The following KIAA1958 variants were observed in gnomAD, a reference collection of about 807,000 sequenced individuals.
KIAA1958 encodes uncharacterized protein KIAA1958.
Under a neutral mutation model 47.2 loss-of-function variants are expected in KIAA1958, and 14 were observed. The ratio of observed to expected loss-of-function variants is 0.30; its 90% CI spans 0.20 to 0.46. The LOEUF is 0.46. Among genes scored for constraint, KIAA1958 ranks in the 20% least tolerant of loss-of-function variants. The pLI is 1.00. For missense variants in KIAA1958, 803 were observed against 909.2 expected (o/e 0.88, Z 1.50); for synonymous variants, 354 against 353.3 (o/e 1.00, Z -0.02).
In KIAA1958 at chr9:112,551,264, G is replaced by C. The variant is rs528333201; in HGVS notation, c.-24-22793G>C. Among the ~76,000 whole-genome samples, 12 of 152,110 alleles carry C rather than the reference G, an allele frequency of 7.9e-5. No homozygotes were observed. In the South Asian group the frequency reaches 2.5e-3, roughly 32 times the overall value. On this transcript the variant is annotated intron_variant, in intron 1 of 3. Transcript: ENST00000337530. ...AAATTTGATGTGTTATTAAAAAATA[G>C]CTCCCCATTCCCTGATCCACCAGCT...
In KIAA1958 at chr9:112,573,178, G is replaced by A. The variant is rs145697340; in HGVS notation, c.-24-879G>A. Among the ~76,000 whole-genome samples, 13 of 152,094 alleles carry A rather than the reference G, an allele frequency of 8.5e-5. No individual in the cohort carries two copies. In the East Asian group the frequency reaches 2.5e-3, roughly 29 times the overall value. On this transcript the variant is annotated intron_variant, in intron 1 of 3. Transcript: ENST00000337530. Reference sequence around the variant, plus strand: ...GGACTCCTAACAAGGGCTTCTTTTTGTCTCCTGCCTAATAAGGAATGATTT... The same window carrying A: ...GGACTCCTAACAAGGGCTTCTTTTTATCTCCTGCCTAATAAGGAATGATTT...
intron 2 of KIAA1958, among the ~76,000 whole-genome samples, chr9:112,643,440 A>G (rs1836926630): frequency 6.6e-6 from 1 of 152,258 alleles, no homozygotes; most frequent in African/African-American, 2.4e-5. Context: ...CTCTTGGCAT[A>G]TAGTAGGCAT....
chr9:112,576,961 G>T (rs146117747), intron 2 of KIAA1958, among the ~76,000 whole-genome samples: 3 of 152,214 alleles, frequency 2.0e-5, no homozygotes, highest in African/African-American at 7.2e-5. Context: ...AGCCTCACTA[G>T]TAATCTATAA....
chr9:112,604,789 G>A (rs1291872816), intron 2 of KIAA1958, among the ~76,000 whole-genome samples: 1 of 151,688 alleles, frequency 6.6e-6, no homozygotes, highest in Non-Finnish European at 1.5e-5. Context: ...TATATGTGGT[G>A]GATCTTTGCA....
chr9:112,649,352 C>A (rs1007049044), intron 3 of KIAA1958, among the ~76,000 whole-genome samples: 5 of 150,134 alleles, frequency 3.3e-5, no homozygotes, highest in African/African-American at 1.2e-4. Flanking sequence ...CAGACGATGT[C>A]TCTCTGTGTT....
intron 1 of KIAA1958, among the ~76,000 whole-genome samples, chr9:112,500,072 C>T (rs1449848247): frequency 1.3e-5 from 2 of 151,978 alleles, no homozygotes; most frequent in Non-Finnish European, 2.9e-5. Context: ...GTGATTGCCT[C>T]AGAAGTTTAG....
intron 2 of KIAA1958, among the ~76,000 whole-genome samples, chr9:112,607,585 C>G (rs950594115): frequency 2.0e-5 from 3 of 151,964 alleles, no homozygotes; most frequent in Non-Finnish European, 2.9e-5. Flanking sequence ...GGGAAGTGGT[C>G]TGCCGGTGAG....
At chr9:112,579,127 C>G (rs527812324) in intron 2 of KIAA1958, among the ~76,000 whole-genome samples, 114 of 152,008 alleles carry the variant, frequency 7.5e-4, no homozygotes, top group African/African-American at 2.5e-3. Context: ...ATTGGAAATA[C>G]ATTTCCCAAG....
chr9:112,490,031 G>A (rs1464902683), intron 1 of KIAA1958, among the ~76,000 whole-genome samples: 1 of 152,098 alleles, frequency 6.6e-6, no homozygotes, highest in Non-Finnish European at 1.5e-5. Context: ...AAGCAGGTCC[G>A]GCTGTGAGAG....
At chr9:112,501,454 C>A (rs1233639395) in intron 1 of KIAA1958, among the ~76,000 whole-genome samples, 1 of 151,896 alleles carries the variant, frequency 6.6e-6, no homozygotes, top group Non-Finnish European at 1.5e-5. Flanking sequence ...TGAAAAAAAA[C>A]AAAATGAAAC....
intron 1 of KIAA1958, among the ~76,000 whole-genome samples, chr9:112,490,777 T>G (rs373342215): frequency 6.6e-6 from 1 of 152,224 alleles, no homozygotes; most frequent in East Asian, 1.9e-4. Context: ...GAGAGCTTTT[T>G]CACCGTTAGT....
Position 112,666,946 on chromosome 9 carries a change from A to C in KIAA1958, c.*6877A>C, listed in dbSNP as rs941169608. The C allele has an allele frequency of 6.6e-6, 1 of 152,244 alleles. No individual in the cohort carries two copies. Among genetic ancestry groups the C allele is most frequent in the African/African-American group, 2.4e-5 (1 of 41,470 alleles). The allele number at this position is 152,244 out of a possible 1,614,324, so 9.4% of individuals were successfully genotyped here. ...CTAAAACAGGAGCAGAAAGCAGAGA[A>C]GGACTATTAGACCTATGGTGGCATC... is the stretch of plus-strand genomic sequence containing the variant. On this transcript the variant is annotated 3_prime_UTR_variant, in exon 4 of 4. Transcript: ENST00000337530.
rs77433751 is a variant in KIAA1958 at position 112,663,014 on chromosome 9, G to C, written c.*2945G>C. The C allele has an allele frequency of 2.0e-5, 3 of 152,284 alleles. No homozygotes were observed. In the East Asian group the frequency reaches 5.8e-4, roughly 29 times the overall value. The allele number at this position is 152,284 out of a possible 1,614,324, so 9.4% of individuals were successfully genotyped here. A position where few individuals can be genotyped will look rare whatever the true frequency, so the allele number is the denominator to read the frequency against. On this transcript the variant is annotated 3_prime_UTR_variant, in exon 4 of 4. Transcript: ENST00000337530. Reference sequence around the variant, plus strand: ...AATCCCCAGAGAAAGAAGTGGGGAGGTAAAGAGCGTTTTCTCCACTTACCT... The same window carrying C: ...AATCCCCAGAGAAAGAAGTGGGGAGCTAAAGAGCGTTTTCTCCACTTACCT...
At chr9:112,645,894 C>A in intron 3 of KIAA1958, 72 bp downstream of exon 3, 1 of 1,355,604 alleles carries the variant, frequency 7.4e-7, no homozygotes, top group Non-Finnish European at 1.0e-6. Flanking sequence ...CTGTGCTAAG[C>A]ATTGTAGGGA....
At chr9:112,573,222 G>T (rs1835569623) in intron 1 of KIAA1958, among the ~76,000 whole-genome samples, 4 of 152,132 alleles carry the variant, frequency 2.6e-5, no homozygotes. Flanking sequence ...TTGATAGTTG[G>T]TTATGCTTGG....
intron 1 of KIAA1958, among the ~76,000 whole-genome samples, chr9:112,505,360 A>AT (rs1253232688): frequency 6.6e-6 from 1 of 152,214 alleles, no homozygotes; most frequent in African/African-American, 2.4e-5. Flanking sequence ...CGTTTATAAA[A>AT]TGAGTATAAT....
intron 1 of KIAA1958, among the ~76,000 whole-genome samples, chr9:112,527,421 C>T (rs898859751): frequency 6.6e-6 from 1 of 152,024 alleles, no homozygotes; most frequent in Non-Finnish European, 1.5e-5. Context: ...AGAAAAGCAA[C>T]GTGGCTGGAG....
intron 2 of KIAA1958, chr9:112,619,109 C>T (rs1459326725): frequency 4.7e-6 from 2 of 423,680 alleles, no homozygotes; most frequent in Non-Finnish European, 6.5e-6. Flanking sequence ...TATTTATAGG[C>T]TTAAGACAAA....
intron 1 of KIAA1958, among the ~76,000 whole-genome samples, chr9:112,559,418 G>T (rs568752665): frequency 7.9e-5 from 12 of 152,236 alleles, no homozygotes; most frequent in African/African-American, 2.9e-4. Flanking sequence ...TGGAAGCTAA[G>T]GGAAGAGAGG....
Sources: allele counts gnomAD v4.1 joint callset (sites outside exome capture counted in the v4.1 genomes callset), GRCh38; gene constraint gnomAD v4.1.1; transcripts MANE v1.5; gene names NCBI Gene and HGNC (gene_info 2026-07-23, HGNC 2026-07-21).